INTS6L: variants seen among roughly 807,000 people sequenced by gnomAD.
INTS6L encodes integrator complex subunit 6-like.
INTS6L carries 18 observed loss-of-function variants against 64.7 expected under a neutral mutation model. The observed-to-expected ratio is 0.28, with a 90% CI of 0.19 to 0.41. The LOEUF is 0.41. Ranked by LOEUF, INTS6L falls within the 10% of genes least tolerant of loss-of-function variation. The pLI, the probability that INTS6L is intolerant of heterozygous loss-of-function variation, is 1.00. For missense variants in INTS6L, 533 were observed against 661.0 expected (o/e 0.81, Z 2.12); for synonymous variants, 227 against 235.9 (o/e 0.96, Z 0.34).
At position 135,580,128 on chromosome X, in the gene INTS6L, T is replaced by C. The variant is rs1569514726; in HGVS notation, c.2460T>C (p.His820=). 4 of 1,184,399 alleles carry C rather than the reference T, an allele frequency of 3.4e-6. No individual in the cohort carries two copies. Among genetic ancestry groups the C allele is most frequent in the Non-Finnish European group, 4.5e-6 (4 of 880,521 alleles). ...AAGGAATCAATGCTGATATAAAACA[T>C]CAATTAATGAAGGAAGTTCGAAAGT... ...MAQGINADIK[H]QLMKEVRKFG... Residue 820 remains histidine, a synonymous_variant, in exon 16 of 18, where the codon CAT becomes CAC. Transcript: ENST00000639893.
At chrX:135,537,427 A>G (rs2086085966) in intron 2 of INTS6L, among the ~76,000 whole-genome samples, 1 of 112,477 alleles carries the variant, frequency 8.9e-6, no homozygotes. Flanking sequence ...ATTATAAGAT[A>G]CATAAGTCTG....
In INTS6L at chrX:135,574,127, G is replaced by A. The variant is rs2087162934; in HGVS notation, c.1741+65G>A. Reference sequence around the variant, plus strand: ...AATGCCAGGCATGACTTACAGGAAGGTGTTTATTGCATAATGAGTAGGCTA... The same window carrying A: ...AATGCCAGGCATGACTTACAGGAAGATGTTTATTGCATAATGAGTAGGCTA... On this transcript the variant is annotated intron_variant, in intron 13 of 17. Coordinates refer to ENST00000639893, the MANE Select transcript of INTS6L (RefSeq NM_001351601.3). 2.7e-5 allele frequency: 29 copies of A among 1,087,618 alleles called. No individual in the cohort carries two copies. In the East Asian group the frequency reaches 9.3e-4, roughly 35 times the overall value. 89.6% of individuals were successfully genotyped at this position (1,087,618 alleles called of 1,213,427 possible).
chrX:135,520,792 C>T lies in INTS6L; in HGVS notation c.-201C>T. On this transcript the variant is annotated 5_prime_UTR_variant, in exon 1 of 18. Coordinates refer to ENST00000639893, the MANE Select transcript of INTS6L (RefSeq NM_001351601.3). ...CTACACACGCTCACACTTTCAAGTT[C>T]CCTTGGAGGGAGAGGAGGTGGGGCT... is the stretch of plus-strand genomic sequence containing the variant. 5 of 429,525 alleles carry T rather than the reference C, an allele frequency of 1.2e-5. No homozygotes were observed. The highest frequency in any genetic ancestry group is 1.6e-5 in the Non-Finnish European group (4 of 247,050). The allele number at this position is 429,525 out of a possible 1,213,427, so 35.4% of individuals were successfully genotyped here. A position where few individuals can be genotyped will look rare whatever the true frequency, so the allele number is the denominator to read the frequency against.
At chrX:135,537,835 A>T (rs2086096298) in intron 2 of INTS6L, among the ~76,000 whole-genome samples, 1 of 112,669 alleles carries the variant, frequency 8.9e-6, no homozygotes, top group South Asian at 3.6e-4. Context: ...TGCTTTCCCA[A>T]TTCATGGAAA....
chrX:135,525,850 A>G (rs2085719376), intron 2 of INTS6L, among the ~76,000 whole-genome samples: 1 of 112,461 alleles, frequency 8.9e-6, no homozygotes, highest in Non-Finnish European at 1.9e-5. Context: ...TTTAAAACTC[A>G]AAAAGCCACA....
At chrX:135,560,571 G>A (rs192402524) in intron 9 of INTS6L, among the ~76,000 whole-genome samples, 4 of 111,842 alleles carry the variant, frequency 3.6e-5, no homozygotes, top group Admixed American at 1.9e-4. Flanking sequence ...GGCTGGGTGC[G>A]GTGGCTCACG....
At chrX:135,561,298 T>G (rs1556522131) in intron 9 of INTS6L, among the ~76,000 whole-genome samples, 1 of 112,080 alleles carries the variant, frequency 8.9e-6, no homozygotes, top group South Asian at 3.7e-4. Context: ...ATGATTTTTC[T>G]TCTTTAGTCT....
At chrX:135,557,111 A>T in intron 9 of INTS6L, among the ~76,000 whole-genome samples, 1 of 111,901 alleles carries the variant, frequency 8.9e-6, no homozygotes, top group Admixed American at 9.4e-5. Flanking sequence ...TATTAGCATG[A>T]TTATTTTAAA....
chrX:135,546,242 G>A lies in INTS6L; in HGVS notation c.340-138G>A, dbSNP rs1468578011. On this transcript the variant is annotated intron_variant, in intron 3 of 17. Transcript: ENST00000639893. Reference sequence around the variant, plus strand: ...TGTTATTTTTATTCCTACCCATTTCGTTCCCTGGTCATTTCTTCCTTATTT... The same window carrying A: ...TGTTATTTTTATTCCTACCCATTTCATTCCCTGGTCATTTCTTCCTTATTT... 7 of 359,717 alleles carry A rather than the reference G, an allele frequency of 1.9e-5. No homozygotes were observed. The South Asian group carries it at 4.4e-4, about 23-fold the overall frequency. The allele number at this position is 359,717 out of a possible 1,213,427, so 29.6% of individuals were successfully genotyped here.
chrX:135,543,368 G>A (rs1556513669), intron 2 of INTS6L, among the ~76,000 whole-genome samples: 1 of 110,873 alleles, frequency 9.0e-6, no homozygotes, highest in Non-Finnish European at 1.9e-5. Context: ...TGGTTCTCAA[G>A]TAAGTCCTAT....
At chrX:135,562,041 CTTACTT>C (rs2086803309) in intron 9 of INTS6L, among the ~76,000 whole-genome samples, 2 of 107,133 alleles carry the variant, frequency 1.9e-5, no homozygotes, top group African/African-American at 7.2e-5. Flanking sequence ...TTCCTTTCTT[CTTACTT>C]TAAGTTTGTT....
In INTS6L at chrX:135,534,682, CT is replaced by C. The variant is rs1293328959; in HGVS notation, c.190-10722del. Among the ~76,000 whole-genome samples the C allele has an allele frequency of 5.2e-3, 479 of 91,964 alleles. 2 individuals are homozygous for C. The highest frequency in any genetic ancestry group is 8.0e-3 in the African/African-American group (198 of 24,644). 79.9% of individuals were successfully genotyped at this position (91,964 alleles called of 115,157 possible). Reference sequence around the variant, plus strand: ...ATCCAAGAGAACTGGTTTTTCTTTTCTTTTTTTTTTTTTTTTTTTAAATAGA... The same window carrying C: ...ATCCAAGAGAACTGGTTTTTCTTTTCTTTTTTTTTTTTTTTTTTAAATAGA... On this transcript the variant is annotated intron_variant, in intron 2 of 17. Coordinates refer to ENST00000639893, the MANE Select transcript of INTS6L (RefSeq NM_001351601.3).
chrX:135,559,073 G>C (rs1199061157), intron 9 of INTS6L, among the ~76,000 whole-genome samples: 1 of 111,785 alleles, frequency 8.9e-6, no homozygotes, highest in East Asian at 2.8e-4. Context: ...ATGAGCCACT[G>C]TGCCCAGCCT....
intron 2 of INTS6L, among the ~76,000 whole-genome samples, chrX:135,541,194 T>C (rs2086209127): frequency 8.9e-6 from 1 of 111,826 alleles, no homozygotes; most frequent in South Asian, 3.7e-4. Context: ...GTAGTGTGTC[T>C]ACTGTCTGCT....
chrX:135,546,492 A>C, intron 4 of INTS6L, 23 bp downstream of exon 4: 1 of 1,101,126 alleles, frequency 9.1e-7, no homozygotes, highest in East Asian at 3.1e-5. Context: ...TTTTTTTTTA[A>C]TTTTGTTTAA....
chrX:135,578,741 C>T (rs1429222546), intron 15 of INTS6L, among the ~76,000 whole-genome samples: 2 of 111,548 alleles, frequency 1.8e-5, no homozygotes, highest in Non-Finnish European at 3.8e-5. Flanking sequence ...TCTCTCTATC[C>T]CTCCAGTGCA....
At chrX:135,547,470 C>G (rs1157501897) in intron 6 of INTS6L, among the ~76,000 whole-genome samples, 2 of 111,998 alleles carry the variant, frequency 1.8e-5, no homozygotes, top group African/African-American at 6.5e-5. Flanking sequence ...GTTGAATGTT[C>G]CTAAGAACGT....
chrX:135,540,151 A>G (rs782597972), intron 2 of INTS6L, among the ~76,000 whole-genome samples: 24 of 112,090 alleles, frequency 2.1e-4, no homozygotes, highest in Middle Eastern at 4.6e-3. Context: ...AGGAATGCCA[A>G]TATACATAAT....
chrX:135,566,652 T>G (rs2086959005), intron 9 of INTS6L, among the ~76,000 whole-genome samples: 1 of 112,086 alleles, frequency 8.9e-6, no homozygotes, highest in Non-Finnish European at 1.9e-5. Context: ...AAACGAAGCT[T>G]AATTGTATCA....
Sources: gnomAD v4.1 joint callset for allele counts (sites outside exome capture counted in the v4.1 genomes callset) on GRCh38, gnomAD v4.1.1 for gene constraint, MANE v1.5 for transcripts, NCBI Gene and HGNC (gene_info 2026-07-23, HGNC 2026-07-21) for gene names.